Variants in GRB10 observed in about 807,000 individuals in gnomAD.
GRB10 encodes growth factor receptor-bound protein 10.
Under a neutral mutation model 80.9 loss-of-function variants are expected in GRB10, and 20 were observed. The observed-to-expected ratio is 0.25, with a 90% CI of 0.17 to 0.36. The LOEUF (loss-of-function observed/expected upper bound fraction) is 0.36, where lower values mean the gene tolerates loss of function less well. Ranked by LOEUF, GRB10 falls within the 10% of genes least tolerant of loss-of-function variation. GRB10 has a pLI of 1.00. For synonymous variants in GRB10, 291 were observed against 291.5 expected (o/e 1.00, Z 0.02); for missense variants, 548 against 747.7 (o/e 0.73, Z 3.12).
intron 4 of GRB10, among the ~76,000 whole-genome samples, chr7:50,713,477 C>A (rs990895596): frequency 6.6e-6 from 1 of 151,392 alleles, no homozygotes; most frequent in African/African-American, 2.4e-5. Context: ...AGCACTTCAA[C>A]CAACTCCTCT....
chr7:50,669,838 A>T lies in GRB10; in HGVS notation c.388T>A (p.Phe130Ile), dbSNP rs1157657967. The change falls in exon 7 of 19, where the codon TTT (phenylalanine) becomes ATT (isoleucine). Residue 130 changes from phenylalanine to isoleucine, a missense_variant. Transcript: ENST00000401949. ...ATGGCCGGCAGAGATGAGGTTCTAA[A>T]CTGCTGGTCTTCCTCCTGAAGGCGC... ...VRRLQEEDQQ[F>I]RTSSLPAIPN... 6.2e-7 allele frequency: 1 copy of T among 1,613,314 alleles called. No individual in the cohort carries two copies. Among genetic ancestry groups the T allele is most frequent in the South Asian group, 1.1e-5 (1 of 90,866 alleles).
chr7:50,637,690 A>G (rs2715113), intron 7 of GRB10, among the ~76,000 whole-genome samples: 66,216 of 149,882 alleles, frequency 0.44, 14,611 homozygotes, highest in African/African-American at 0.49. Context: ...ACATAATTAG[A>G]AAAAAAGATT....
At chr7:50,607,243 G>A (rs950849685) in intron 13 of GRB10, among the ~76,000 whole-genome samples, 4 of 152,138 alleles carry the variant, frequency 2.6e-5, no homozygotes, top group East Asian at 1.9e-4. Flanking sequence ...GAGGTAATCC[G>A]CATCTTTGTT....
rs867490781 is a variant in GRB10, at chr7:50,661,459, C to A, written c.504+8263G>T. On this transcript the variant is annotated intron_variant, in intron 7 of 18. Coordinates refer to ENST00000401949, the MANE Select transcript of GRB10 (RefSeq NM_001350814.2). The stretch of plus-strand genomic sequence containing the variant: ...TCTAAAAACTCATTATGTAGCTGCA[C>A]GAGAATCTTTATTGGCTGAAGGAAA... Among the ~76,000 whole-genome samples, 4 of 152,154 alleles carry A rather than the reference C, an allele frequency of 2.6e-5. No individual in the cohort carries two copies. The South Asian group carries it at 8.3e-4, about 32-fold the overall frequency.
chr7:50,630,064 C>T (rs751285864), intron 7 of GRB10, among the ~76,000 whole-genome samples: 12 of 152,240 alleles, frequency 7.9e-5, no homozygotes, highest in Non-Finnish European at 1.0e-4. Flanking sequence ...TATCTGAGTT[C>T]TATCCCGGCT....
At chr7:50,617,805 C>A in intron 10 of GRB10, 1 of 540,968 alleles carries the variant, frequency 1.8e-6, no homozygotes, top group Non-Finnish European at 3.3e-6. Context: ...AGTGGCATCA[C>A]TGGACTCTTC....
chr7:50,593,823 A>G (rs1325862819), intron 18 of GRB10, among the ~76,000 whole-genome samples: 1 of 152,080 alleles, frequency 6.6e-6, no homozygotes, highest in African/African-American at 2.4e-5. Flanking sequence ...CCACTTCGTA[A>G]CTCTAAAACC....
intron 3 of GRB10, chr7:50,747,601 G>A (rs570181787): frequency 6.6e-6 from 1 of 152,248 alleles, no homozygotes; most frequent in East Asian, 1.9e-4. Context: ...TGAGGGCTCT[G>A]CTCCAACGCT....
intron 1 of GRB10, chr7:50,793,170 G>C (rs1392760046): frequency 1.4e-5 from 2 of 145,512 alleles, no homozygotes; most frequent in African/African-American, 4.9e-5. Flanking sequence ...CGGGCCCCGC[G>C]GGGACGCCAA....
chr7:50,698,901 G>C (rs1001362081), intron 5 of GRB10, among the ~76,000 whole-genome samples: 2 of 152,314 alleles, frequency 1.3e-5, no homozygotes, highest in East Asian at 3.9e-4. Flanking sequence ...TGTGACATCT[G>C]CACTATATTC....
upstream of GRB10, among the ~76,000 whole-genome samples, chr7:50,787,565 G>T (rs768651675): frequency 3.8e-4 from 58 of 152,242 alleles, no homozygotes; most frequent in Non-Finnish European, 7.3e-4. Context: ...AGTGCCCTGG[G>T]CAGGGACGGT....
At chr7:50,752,458 C>T (rs1198368487) in intron 3 of GRB10, among the ~76,000 whole-genome samples, 1 of 152,174 alleles carries the variant, frequency 6.6e-6, no homozygotes, top group East Asian at 1.9e-4. Flanking sequence ...GAAAGGCATA[C>T]CATTCTTGGT....
At chr7:50,721,061 A>G (rs1317682026) in intron 4 of GRB10, among the ~76,000 whole-genome samples, 2 of 152,232 alleles carry the variant, frequency 1.3e-5, no homozygotes, top group African/African-American at 4.8e-5. Context: ...TGAACACCAC[A>G]TACAGTATTT....
In GRB10 at chr7:50,630,931, C is replaced by CA. The variant is rs548748228; in HGVS notation, c.505-3954dup. Reference sequence around the variant, plus strand: ...ACTTTTTACATATTCACTGCATAGACAAAAAAGCAAGAGCTTAATTTTTTT... The same window carrying CA: ...ACTTTTTACATATTCACTGCATAGACAAAAAAAGCAAGAGCTTAATTTTTTT... On this transcript the variant is annotated intron_variant, in intron 7 of 18. Coordinates refer to ENST00000401949, the MANE Select transcript of GRB10 (RefSeq NM_001350814.2). Among the ~76,000 whole-genome samples the CA allele has an allele frequency of 2.7e-3, 404 of 152,116 alleles. 2 individuals are homozygous for CA. Among genetic ancestry groups the CA allele is most frequent in the African/African-American group, 9.3e-3 (385 of 41,508 alleles).
At position 50,616,326 on chromosome 7, in the gene GRB10, A is replaced by G; in HGVS notation, c.868T>C (p.Cys290Arg). 3.1e-6 allele frequency: 5 copies of G among 1,614,184 alleles called. No individual in the cohort carries two copies. Among genetic ancestry groups the G allele is most frequent in the Non-Finnish European group, 4.2e-6 (5 of 1,179,978 alleles). The change falls in exon 11 of 19, where the codon TGT (cysteine) becomes CGT (arginine). Residue 290 changes from cysteine to arginine, a missense_variant. By Grantham distance (180) the Cys-to-Arg change is radical. Around this residue, in one of 4 missense-constraint regions of GRB10, gnomAD observed 270 missense variants for 433.6 expected, o/e 0.62. Transcript: ENST00000401949. Reference protein sequence around the residue: ...LLQNFLNSSSCPEIQGFLHVK... With the variant: ...LLQNFLNSSSRPEIQGFLHVK... Reference sequence around the variant, plus strand: ...TGCAAAAACCCTTGAATTTCAGGACAACTACTGGAGTTCAGAAAATTCTGT... The same window carrying G: ...TGCAAAAACCCTTGAATTTCAGGACGACTACTGGAGTTCAGAAAATTCTGT...
intron 10 of GRB10, among the ~76,000 whole-genome samples, chr7:50,617,504 C>T (rs887671863): frequency 1.3e-5 from 2 of 152,138 alleles, no homozygotes; most frequent in Non-Finnish European, 2.9e-5. Flanking sequence ...GCACAGAGGC[C>T]CTGGTGGCTC....
intron 3 of GRB10, among the ~76,000 whole-genome samples, chr7:50,742,255 A>ACGCGCGCG (rs764613646): frequency 6.0e-5 from 2 of 33,222 alleles, no homozygotes; most frequent in African/African-American, 2.5e-4. Context: ...GTGTAAACAC[A>ACGCGCGCG]CGCGCACGCG....
At chr7:50,709,730 G>A (rs1256175916) in intron 4 of GRB10, among the ~76,000 whole-genome samples, 1 of 152,130 alleles carries the variant, frequency 6.6e-6, no homozygotes, top group Non-Finnish European at 1.5e-5. Context: ...AGAAAATGGT[G>A]AGCTGTGCTG....
intron 1 of GRB10, among the ~76,000 whole-genome samples, chr7:50,788,886 A>C (rs765352934): frequency 2.0e-5 from 3 of 152,218 alleles, no homozygotes; most frequent in Non-Finnish European, 4.4e-5. Flanking sequence ...CAGGCTCCAC[A>C]GGCCTGGAGA....
Sources: allele counts gnomAD v4.1 joint callset (sites outside exome capture counted in the v4.1 genomes callset), GRCh38; gene constraint gnomAD v4.1.1; regional missense constraint gnomAD v4.1.1; transcripts MANE v1.5; gene names NCBI Gene and HGNC (gene_info 2026-07-23, HGNC 2026-07-21).